The following POLR3B variants were observed in gnomAD, a reference collection of about 807,000 sequenced individuals.
The protein encoded by POLR3B is RNA polymerase III subunit B, also known as DNA-directed RNA polymerase III subunit RPC2.
In POLR3B, 96 loss-of-function variants were observed where a neutral mutation model predicts 147.4. That is an observed-to-expected ratio of 0.65 (90% CI 0.55 to 0.77). POLR3B has a LOEUF of 0.77. Ranked by LOEUF, POLR3B falls within the 30% of genes least tolerant of loss-of-function variation. The pLI, the probability that POLR3B is intolerant of heterozygous loss-of-function variation, is 0.00. For synonymous variants in POLR3B, 461 were observed against 485.9 expected (o/e 0.95, Z 0.67); for missense variants, 1,036 against 1,413.5 (o/e 0.73, Z 4.28).
intron 23 of POLR3B, among the ~76,000 whole-genome samples, chr12:106,483,072 A>G (rs936918148): frequency 6.6e-6 from 1 of 152,160 alleles, no homozygotes; most frequent in Non-Finnish European, 1.5e-5. Flanking sequence ...ATCCCTCAGT[A>G]TATGCTGGGA....
intron 23 of POLR3B, among the ~76,000 whole-genome samples, chr12:106,469,782 C>T (rs1296637966): frequency 6.6e-6 from 1 of 152,204 alleles, no homozygotes; most frequent in Non-Finnish European, 1.5e-5. Flanking sequence ...TTGGCGCCTA[C>T]TCTCTTCTGG....
rs2036405754 is a variant in POLR3B, at chr12:106,357,814, A to C, written c.-66A>C. On this transcript the variant is annotated 5_prime_UTR_variant, in exon 1 of 28. Transcript: ENST00000228347. ...GCGCACCGTTCGCCGGGAGTCTTGC[A>C]GTTTGCTTGGTGCAGGGAAGGCGGG... 6.7e-7 allele frequency: 1 copy of C among 1,485,600 alleles called. No homozygotes were observed. The highest frequency in any genetic ancestry group is 1.2e-5 in the South Asian group (1 of 85,168). 92.0% of individuals were successfully genotyped at this position (1,485,600 alleles called of 1,614,324 possible).
At chr12:106,410,765 G>C in intron 11 of POLR3B, 61 bp from the exon 12 acceptor site, 2 of 1,348,732 alleles carry the variant, frequency 1.5e-6, no homozygotes, top group Non-Finnish European at 2.1e-6. Flanking sequence ...TACTTTTCTT[G>C]AGGTACGTTA....
At chr12:106,360,446 C>T (rs2036455041) in intron 1 of POLR3B, among the ~76,000 whole-genome samples, 1 of 152,184 alleles carries the variant, frequency 6.6e-6, no homozygotes, top group African/African-American at 2.4e-5. Flanking sequence ...GATTAAATCC[C>T]ACATATCTAT....
intron 12 of POLR3B, among the ~76,000 whole-genome samples, chr12:106,414,144 A>G (rs898309626): frequency 1.3e-5 from 2 of 151,268 alleles, no homozygotes; most frequent in African/African-American, 4.8e-5. Flanking sequence ...TATTTCCACT[A>G]AGAAATAAAA....
At chr12:106,410,999 A>G (rs2037219196) in intron 12 of POLR3B, 39 bp downstream of exon 12, 2 of 1,585,672 alleles carry the variant, frequency 1.3e-6, no homozygotes, top group Non-Finnish European at 1.7e-6. Context: ...TGTTTTCCTT[A>G]ATGAAAATTA....
At chr12:106,480,543 GC>G (rs1339330550) in intron 23 of POLR3B, among the ~76,000 whole-genome samples, 4 of 152,120 alleles carry the variant, frequency 2.6e-5, no homozygotes, top group African/African-American at 9.7e-5. Context: ...TCTGTATCAG[GC>G]TTTTGACCAG....
At chr12:106,406,045 A>G in intron 11 of POLR3B, 69 bp downstream of exon 11, 1 of 1,543,784 alleles carries the variant, frequency 6.5e-7, no homozygotes, top group Non-Finnish European at 8.9e-7. Context: ...GAACTGTGAT[A>G]AGAGTTTACC....
intron 9 of POLR3B, among the ~76,000 whole-genome samples, chr12:106,390,697 T>A (rs996106724): frequency 7.6e-6 from 1 of 131,876 alleles, no homozygotes; most frequent in Non-Finnish European, 1.6e-5. Context: ...CCTGAGAACT[T>A]GTTTGCAAAA....
chr12:106,447,317 C>CA (rs1218526582), intron 19 of POLR3B, among the ~76,000 whole-genome samples: 1 of 152,040 alleles, frequency 6.6e-6, no homozygotes, highest in Non-Finnish European at 1.5e-5. Flanking sequence ...CGAAGGAGAC[C>CA]AAGGCCAGCA....
At chr12:106,430,100 G>A (rs887487519) in intron 13 of POLR3B, among the ~76,000 whole-genome samples, 173 bp from the exon 14 acceptor site, 13 of 152,198 alleles carry the variant, frequency 8.5e-5, no homozygotes, top group Non-Finnish European at 1.6e-4. Context: ...ACCCCAGCAA[G>A]TGACTTGACT....
rs538462274 is a variant in POLR3B, at chr12:106,398,743, C to G, written c.846+5590C>G. Among the ~76,000 whole-genome samples the G allele has an allele frequency of 3.7e-3, 557 of 152,284 alleles. 6 individuals carry two copies. Among genetic ancestry groups the G allele is most frequent in the African/African-American group, 0.013 (528 of 41,574 alleles). On this transcript the variant is annotated intron_variant, in intron 10 of 27. Transcript: ENST00000228347. ...AACAGGGTCTGGAGTGGACCTCTAG[C>G]AAACTCCAACAGACCTGCAGCTGAG...
At chr12:106,413,628 G>T (rs1046508026) in intron 12 of POLR3B, among the ~76,000 whole-genome samples, 4 of 151,876 alleles carry the variant, frequency 2.6e-5, no homozygotes, top group Non-Finnish European at 5.9e-5. Context: ...TTTTCTTTAT[G>T]ATATGCCTTG....
chr12:106,465,046 T>C (rs1330827944), intron 23 of POLR3B, among the ~76,000 whole-genome samples: 1 of 152,206 alleles, frequency 6.6e-6, no homozygotes, highest in Non-Finnish European at 1.5e-5. Flanking sequence ...TAATGCCCTT[T>C]GAGTGTTTTT....
chr12:106,460,190 C>T (rs936159642), intron 22 of POLR3B, among the ~76,000 whole-genome samples: 5 of 152,134 alleles, frequency 3.3e-5, no homozygotes, highest in Admixed American at 2.0e-4. Flanking sequence ...AAGCCACAAG[C>T]GTTGCCTGCA....
At chr12:106,430,245 T>C in intron 13 of POLR3B, 28 bp from the exon 14 acceptor site, 4 of 1,566,952 alleles carry the variant, frequency 2.6e-6, no homozygotes, top group Non-Finnish European at 2.6e-6. Context: ...GGGTTAGGAA[T>C]AGTCTTATGT....
intron 8 of POLR3B, among the ~76,000 whole-genome samples, chr12:106,379,110 T>C (rs983658565): frequency 5.9e-5 from 9 of 152,176 alleles, no homozygotes; most frequent in Admixed American, 5.2e-4. Flanking sequence ...CCAGGCAAAA[T>C]ACTAGGTATA....
rs202039664 is a variant in POLR3B at position 106,417,291 on chromosome 12, G to A, written c.1101+6331G>A. Among the ~76,000 whole-genome samples, 41 of 152,326 alleles carry A rather than the reference G, an allele frequency of 2.7e-4. No homozygotes were observed. In the East Asian group the frequency reaches 7.3e-3, roughly 27 times the overall value. The stretch of plus-strand genomic sequence containing the variant: ...AAGGCACGAATGAATTTAGGGACTG[G>A]AGGAACTGATAGAGGGTCAGTGTGG... On this transcript the variant is annotated intron_variant, in intron 12 of 27. Transcript: ENST00000228347.
At chr12:106,358,450 TA>T (rs796401402) in intron 1 of POLR3B, among the ~76,000 whole-genome samples, 5 of 152,308 alleles carry the variant, frequency 3.3e-5, no homozygotes, top group African/African-American at 1.2e-4. Context: ...CAATATTTAC[TA>T]AAGAATTTGC....
Sources: allele counts gnomAD v4.1 joint callset (sites outside exome capture counted in the v4.1 genomes callset), GRCh38; gene constraint gnomAD v4.1.1; transcripts MANE v1.5; gene names NCBI Gene and HGNC (gene_info 2026-07-23, HGNC 2026-07-21).